CDH13: variants seen among roughly 807,000 people sequenced by gnomAD.
CDH13 encodes the protein cadherin 13, also known as cadherin-13.
In CDH13, 24 loss-of-function variants were observed where a neutral mutation model predicts 63.8. That is an observed-to-expected ratio of 0.38 (90% confidence interval 0.27 to 0.53). The LOEUF (loss-of-function observed/expected upper bound fraction) is 0.53. Ranked by LOEUF, CDH13 falls within the 20% of genes least tolerant of loss-of-function variation. The pLI, the probability that CDH13 is intolerant of heterozygous loss-of-function variation, is 0.85. For missense variants in CDH13, 1,049 were observed against 903.1 expected (o/e 1.16, Z -2.07); for synonymous variants, 503 against 355.3 (o/e 1.42, Z -4.67).
intron 9 of CDH13, among the ~76,000 whole-genome samples, chr16:83,672,969 A>C (rs1281477678): frequency 6.6e-6 from 1 of 152,242 alleles, no homozygotes; most frequent in Non-Finnish European, 1.5e-5. Flanking sequence ...ACAGAGGGCC[A>C]GTGCCAGGGT....
At chr16:83,629,339 C>T (rs1271586337) in intron 8 of CDH13, among the ~76,000 whole-genome samples, 3 of 152,138 alleles carry the variant, frequency 2.0e-5, no homozygotes, top group African/African-American at 7.2e-5. Context: ...TCATATCTAG[C>T]CAAGAAAAAT....
intron 1 of CDH13, among the ~76,000 whole-genome samples, chr16:82,633,875 G>T (rs1201393678): frequency 1.3e-5 from 2 of 152,154 alleles, no homozygotes; most frequent in Admixed American, 1.3e-4. Context: ...AGCCTCAGAT[G>T]ATTCTTGTTT....
At chr16:83,470,165 C>G (rs1209689031) in intron 6 of CDH13, among the ~76,000 whole-genome samples, 2 of 152,190 alleles carry the variant, frequency 1.3e-5, no homozygotes, top group Non-Finnish European at 2.9e-5. Flanking sequence ...TCACCTATCC[C>G]TCTACTTCCC....
chr16:82,785,312 C>T (rs544591493), intron 1 of CDH13, among the ~76,000 whole-genome samples: 1 of 152,304 alleles, frequency 6.6e-6, no homozygotes, highest in South Asian at 2.1e-4. Flanking sequence ...AGAGAGACAA[C>T]TAAGCCATAA....
chr16:83,760,245 C>A (rs868527163), intron 11 of CDH13, among the ~76,000 whole-genome samples: 61 of 152,154 alleles, frequency 4.0e-4, no homozygotes, highest in African/African-American at 1.5e-3. Flanking sequence ...TTGGAACTCT[C>A]CTACACAGCT....
chr16:82,773,779 C>T lies in CDH13; in HGVS notation c.46-84583C>T, dbSNP rs79046064. 6.3e-3 allele frequency among the ~76,000 whole-genome samples: 936 copies of T among 149,162 alleles called. 27 individuals are homozygous for T. Among genetic ancestry groups the T allele is most frequent in the Admixed American group, 0.05 (738 of 14,720 alleles). ...TAATTTATCTGTGAATATTGTTTTT[C>T]TTCTTCTTCTTCTTTTTTTTTTTAA... On this transcript the variant is annotated intron_variant, in intron 1 of 13. Transcript: ENST00000567109.
At chr16:83,739,750 A>G (rs959452218) in intron 10 of CDH13, among the ~76,000 whole-genome samples, 1 of 152,196 alleles carries the variant, frequency 6.6e-6, no homozygotes, top group African/African-American at 2.4e-5. Flanking sequence ...CACCCAGCAC[A>G]TGGGTCAACC....
At chr16:82,779,941 C>A (rs1226328413) in intron 1 of CDH13, among the ~76,000 whole-genome samples, 1 of 152,130 alleles carries the variant, frequency 6.6e-6, no homozygotes, top group Non-Finnish European at 1.5e-5. Flanking sequence ...ACATGTGTAT[C>A]ATGTTACTGC....
At chr16:83,205,863 A>G (rs994061504) in intron 4 of CDH13, among the ~76,000 whole-genome samples, 12 of 152,086 alleles carry the variant, frequency 7.9e-5, no homozygotes, top group African/African-American at 2.9e-4. Context: ...TCGGCATCCC[A>G]AAGTGTTAGG....
chr16:82,738,820 G>A (rs1031551653), intron 1 of CDH13, among the ~76,000 whole-genome samples: 3 of 151,992 alleles, frequency 2.0e-5, no homozygotes, highest in African/African-American at 7.3e-5. Flanking sequence ...CACACATTTC[G>A]CTTATTTCTT....
chr16:83,147,048 G>T (rs142643936), intron 4 of CDH13, among the ~76,000 whole-genome samples: 1 of 152,020 alleles, frequency 6.6e-6, no homozygotes, highest in African/African-American at 2.4e-5. Context: ...AGATCACGCC[G>T]CTGTACTCTG....
intron 2 of CDH13, among the ~76,000 whole-genome samples, chr16:82,981,988 C>T (rs1223579353): frequency 6.6e-6 from 1 of 152,126 alleles, no homozygotes; most frequent in South Asian, 2.1e-4. Flanking sequence ...TGTTGCTTGC[C>T]ATTGGACTAT....
intron 1 of CDH13, among the ~76,000 whole-genome samples, chr16:82,769,118 A>C (rs997035892): frequency 2.6e-5 from 4 of 152,152 alleles, no homozygotes; most frequent in Non-Finnish European, 2.9e-5. Flanking sequence ...TAACCATTTT[A>C]TATCATTTAG....
At chr16:83,002,711 T>C (rs74855630) in intron 2 of CDH13, among the ~76,000 whole-genome samples, 293 of 152,218 alleles carry the variant, frequency 1.9e-3, no homozygotes, top group African/African-American at 6.8e-3. Context: ...TCAGGAAAGA[T>C]GCTACTGAGA....
chr16:83,581,806 A>G (rs1403652494), intron 7 of CDH13, among the ~76,000 whole-genome samples: 1 of 152,184 alleles, frequency 6.6e-6, no homozygotes, highest in Non-Finnish European at 1.5e-5. Flanking sequence ...GTAACAGAGC[A>G]AGACCCTGTC....
chr16:83,216,414 A>ATT lies in CDH13; in HGVS notation c.484-930_484-929insTT, dbSNP rs1567513877. On this transcript the variant is annotated intron_variant, in intron 4 of 13. Transcript: ENST00000567109. The stretch of plus-strand genomic sequence containing the variant: ...AGCATTGAAATATATATATATATAT[A>ATT]TATATATATATATATATATATATAT... Among the ~76,000 whole-genome samples the ATT allele has an allele frequency of 1.8e-4, 16 of 86,602 alleles. 2 individuals are homozygous for ATT. Among genetic ancestry groups the ATT allele is most frequent in the East Asian group, 4.0e-4 (1 of 2,490 alleles). 56.8% of individuals were successfully genotyped at this position (86,602 alleles called of 152,430 possible). A position where few individuals can be genotyped will look rare whatever the true frequency, so the allele number is the denominator to read the frequency against.
chr16:83,696,119 GGGCTCAAGCA>G (rs1905367439), intron 10 of CDH13, among the ~76,000 whole-genome samples: 1 of 152,066 alleles, frequency 6.6e-6, no homozygotes, highest in Admixed American at 6.6e-5. Context: ...TCAAACTCCT[GGGCTCAAGCA>G]ATCCACTCGC....
chr16:82,832,018 A>G (rs1232646471), intron 1 of CDH13, among the ~76,000 whole-genome samples: 1 of 152,208 alleles, frequency 6.6e-6, no homozygotes, highest in African/African-American at 2.4e-5. Context: ...AAAGTCCCGC[A>G]TATGATAAAT....
At chr16:83,251,128 G>C (rs1010635083) in intron 5 of CDH13, among the ~76,000 whole-genome samples, 4 of 152,016 alleles carry the variant, frequency 2.6e-5, no homozygotes, top group Admixed American at 6.5e-5. Flanking sequence ...TTCACATCTT[G>C]ATTGTATCCT....
Sources: allele counts gnomAD v4.1 joint callset (sites outside exome capture counted in the v4.1 genomes callset), GRCh38; gene constraint gnomAD v4.1.1; transcripts MANE v1.5; gene names NCBI Gene and HGNC (gene_info 2026-07-23, HGNC 2026-07-21).